Variants in PCDHGA1 observed in about 807,000 individuals in gnomAD.
PCDHGA1 encodes the protein protocadherin gamma-A1.
In PCDHGA1, 32 loss-of-function variants were observed where a neutral mutation model predicts 58.0. The ratio of observed to expected loss-of-function variants is 0.55; its 90% CI spans 0.42 to 0.74. The LOEUF is 0.74. Among genes scored for constraint, PCDHGA1 ranks in the 30% least tolerant of loss-of-function variants. PCDHGA1 has a pLI of 0.00. For synonymous variants in PCDHGA1, 498 were observed against 501.1 expected (o/e 0.99, Z 0.08); for missense variants, 1,205 against 1,182.3 (o/e 1.02, Z -0.28).
rs372031191 is a variant in PCDHGA1, at chr5:141,395,092, C to T, written c.2421+61987C>T. 3.2e-5 allele frequency: 52 copies of T among 1,614,088 alleles called. No homozygotes were observed. The highest frequency in any genetic ancestry group is 4.2e-5 in the Non-Finnish European group (50 of 1,180,040). On this transcript the variant is annotated intron_variant, in intron 1 of 3. Transcript: ENST00000517417. ...ACCTATTCCCAGGAAGTCTCCCTCA[C>T]CGCCGACTCGCGGAAGAGTCACCTG...
intron 3 of PCDHGA1, among the ~76,000 whole-genome samples, chr5:141,508,711 T>G (rs1201917424): frequency 6.6e-6 from 1 of 152,058 alleles, no homozygotes; most frequent in Admixed American, 6.5e-5. Flanking sequence ...CTCATTCTTT[T>G]CTGTGTGCAG....
At chr5:141,340,554 T>C (rs1756957531) in intron 1 of PCDHGA1, 1 of 1,614,234 alleles carries the variant, frequency 6.2e-7, no homozygotes, top group Non-Finnish European at 8.5e-7. Flanking sequence ...TTGCGAGACT[T>C]GCAAGTGTGG....
chr5:141,465,313 T>C (rs113508011), intron 1 of PCDHGA1, among the ~76,000 whole-genome samples: 5 of 152,312 alleles, frequency 3.3e-5, no homozygotes, highest in Admixed American at 6.5e-5. Context: ...AATTTAGCCA[T>C]GTCAATGCAG....
chr5:141,438,386 T>C (rs757664430), intron 1 of PCDHGA1, among the ~76,000 whole-genome samples: 1 of 151,778 alleles, frequency 6.6e-6, no homozygotes, highest in Admixed American at 6.6e-5. Flanking sequence ...AATTTCTTAG[T>C]TCATCATTAA....
At chr5:141,388,939 A>G in intron 1 of PCDHGA1, 1 of 1,613,984 alleles carries the variant, frequency 6.2e-7, no homozygotes, top group Non-Finnish European at 8.5e-7. Flanking sequence ...TCTCTACCCA[A>G]CCTAATTATG....
chr5:141,428,173 C>G, intron 1 of PCDHGA1: 1 of 1,514,730 alleles, frequency 6.6e-7, no homozygotes. Context: ...CTGTGCGTGA[C>G]GGAGGACAGC....
intron 1 of PCDHGA1, chr5:141,419,843 C>T: frequency 6.2e-7 from 1 of 1,614,070 alleles, no homozygotes; most frequent in Non-Finnish European, 8.5e-7. Flanking sequence ...CACGCTGCAC[C>T]TGGTGTTCGC....
Position 141,476,696 on chromosome 5 carries a change from G to T in PCDHGA1, c.2422-18111G>T, listed in dbSNP as rs750429892. ...GACGCGGGAGGACAGCACCAAGTAC[G>T]CGGAGCTGGTGTTGGAGCGCGCCCT... On this transcript the variant is annotated intron_variant, in intron 1 of 3. Transcript: ENST00000517417. This position sits in a 1 kb window ranked among gnomAD's most constrained non-coding sequence, Gnocchi z 7.6. 3 of 1,614,102 alleles carry T rather than the reference G, an allele frequency of 1.9e-6. No individual in the cohort carries two copies. The highest frequency in any genetic ancestry group is 2.5e-6 in the Non-Finnish European group (3 of 1,180,050).
chr5:141,459,909 G>A (rs7446907), intron 1 of PCDHGA1, among the ~76,000 whole-genome samples: 42,418 of 152,010 alleles, frequency 0.28, 6,645 homozygotes, highest in African/African-American at 0.43. Flanking sequence ...TGAGCTATGG[G>A]AGTTTTAAAA....
chr5:141,412,183 C>A (rs1243084028), intron 1 of PCDHGA1: 1 of 152,188 alleles, frequency 6.6e-6, no homozygotes, highest in African/African-American at 2.4e-5. Context: ...GGTATTAATG[C>A]TCTGATGAAA....
chr5:141,357,523 T>C, intron 1 of PCDHGA1: 1 of 1,614,170 alleles, frequency 6.2e-7, no homozygotes, highest in Non-Finnish European at 8.5e-7. Context: ...CCAACCCAGC[T>C]ATGCAGACAC....
At chr5:141,348,596 G>A (rs1588473926) in intron 1 of PCDHGA1, among the ~76,000 whole-genome samples, 1 of 152,154 alleles carries the variant, frequency 6.6e-6, no homozygotes, top group East Asian at 1.9e-4. Flanking sequence ...TACACTGAGA[G>A]TATGGAACCC....
intron 1 of PCDHGA1, chr5:141,412,443 T>C (rs1479281650): frequency 6.6e-6 from 1 of 152,204 alleles, no homozygotes; most frequent in Non-Finnish European, 1.5e-5. Context: ...TAATTAAGGC[T>C]CAGTAAAACT....
chr5:141,389,006 C>G, intron 1 of PCDHGA1: 1 of 1,613,986 alleles, frequency 6.2e-7, no homozygotes, highest in South Asian at 1.1e-5. Context: ...ACAAGGATTC[C>G]AGACACAATG....
chr5:141,399,619 G>C (rs749025661), intron 1 of PCDHGA1: 1 of 1,613,902 alleles, frequency 6.2e-7, no homozygotes, highest in Non-Finnish European at 8.5e-7. Context: ...TCTGGCACTG[G>C]CCTCTTACGT....
intron 1 of PCDHGA1, among the ~76,000 whole-genome samples, chr5:141,437,076 A>G (rs1018228245): frequency 6.6e-6 from 1 of 152,236 alleles, no homozygotes; most frequent in African/African-American, 2.4e-5. Flanking sequence ...TTTGGGCCAT[A>G]TAAGAATTGA....
chr5:141,350,896 G>A (rs780813095), intron 1 of PCDHGA1: 11 of 1,614,042 alleles, frequency 6.8e-6, no homozygotes, highest in South Asian at 4.4e-5. Context: ...TGACTGCCAT[G>A]GATGGCGGGG....
chr5:141,332,710 G>A lies in PCDHGA1; in HGVS notation c.2026G>A (p.Gly676Ser), dbSNP rs755207117. 3 of 1,613,954 alleles carry A rather than the reference G, an allele frequency of 1.9e-6. No homozygotes were observed. Among genetic ancestry groups the A allele is most frequent in the East Asian group, 2.2e-5 (1 of 44,882 alleles). Reference sequence around the variant, plus strand: ...GATCTCCGACATCCTGGCCGACCTGGGCAGCCTCGAGCCCTCCGCCAAACC... The same window carrying A: ...GATCTCCGACATCCTGGCCGACCTGAGCAGCCTCGAGCCCTCCGCCAAACC... ...DRISDILADLGSLEPSAKPND... is the reference protein window; with the variant it reads ...DRISDILADLSSLEPSAKPND... Residue 676 changes from glycine to serine, a missense_variant, in exon 1 of 4, where the codon GGC becomes AGC. By Grantham distance (56) the Gly-to-Ser change is moderately conservative. Coordinates refer to ENST00000517417, the MANE Select transcript of PCDHGA1 (RefSeq NM_018912.3). The surrounding 1 kb of genome is among the most constrained non-coding windows in gnomAD (Gnocchi z 4.6).
At position 141,372,796 on chromosome 5, in the gene PCDHGA1, G is replaced by A. The variant is rs1466519427; in HGVS notation, c.2421+39691G>A. ...AATCCAGAAATGCCTTCTAATTCAG[G>A]CAATTTGCAAAAGGTGAGTTTCTTC... On this transcript the variant is annotated intron_variant, in intron 1 of 3. Coordinates refer to ENST00000517417, the MANE Select transcript of PCDHGA1 (RefSeq NM_018912.3). 7.5e-6 allele frequency: 12 copies of A among 1,597,700 alleles called. No individual in the cohort carries two copies. Among genetic ancestry groups the A allele is most frequent in the Non-Finnish European group, 1.0e-5 (12 of 1,171,762 alleles).
Sources: gnomAD v4.1 joint callset for allele counts (sites outside exome capture counted in the v4.1 genomes callset) on GRCh38, gnomAD v4.1.1 for gene constraint, Gnocchi (gnomAD v3.1) non-coding constraint, MANE v1.5 for transcripts, NCBI Gene and HGNC (gene_info 2026-07-23, HGNC 2026-07-21) for gene names.